NID1: variants seen among roughly 807,000 people sequenced by gnomAD.
NID1 encodes the protein nidogen 1.
A neutral mutation model predicts 130.6 loss-of-function variants in NID1; 76 were observed. That is an observed-to-expected ratio of 0.58 (90% CI 0.48 to 0.70). The LOEUF (loss-of-function observed/expected upper bound fraction) is 0.70. Among genes scored for constraint, NID1 ranks in the 30% least tolerant of loss-of-function variants. The pLI is 0.00. For synonymous variants in NID1, 665 were observed against 675.1 expected, an observed-to-expected ratio of 0.98 and a Z score of 0.23; for missense variants, 1,517 against 1,664.8, an observed-to-expected ratio of 0.91 and a Z score of 1.54.
chr1:236,014,740 CTGCACCAAGA>C (rs907566705), intron 10 of NID1, among the ~76,000 whole-genome samples: 1 of 152,194 alleles, frequency 6.6e-6, no homozygotes, highest in African/African-American at 2.4e-5. Flanking sequence ...CCATCATGCC[CTGCACCAAGA>C]TGCCTAGGGG....
intron 15 of NID1, among the ~76,000 whole-genome samples, chr1:235,984,567 G>A (rs2102794309): frequency 6.6e-6 from 1 of 152,322 alleles, no homozygotes; most frequent in East Asian, 1.9e-4. Flanking sequence ...TATCTTTGAT[G>A]TGAATATTTT....
rs901458795 is a variant in NID1, at chr1:236,064,972, G to C, written c.108C>G (p.Pro36=). 6.3e-7 allele frequency: 1 copy of C among 1,589,680 alleles called. No individual in the cohort carries two copies. Among genetic ancestry groups the C allele is most frequent in the East Asian group, 2.3e-5 (1 of 43,192 alleles). ...CCAGGTCCCCCTGTCCGGGGCCGAA[G>C]GGAAAGAGCTCCTGGCGGCTCAGGC... ...VGCLSRQELF[P]FGPGQGDLEL... The change falls in exon 1 of 20, where the codon CCC becomes CCG. Residue 36 remains proline (P), a synonymous_variant. Coordinates refer to ENST00000264187, the MANE Select transcript of NID1 (RefSeq NM_002508.3).
chr1:236,044,827 G>T (rs750732554), intron 3 of NID1, among the ~76,000 whole-genome samples: 5 of 140,972 alleles, frequency 3.5e-5, no homozygotes, highest in South Asian at 2.4e-4. Flanking sequence ...GAAGGAAAAG[G>T]TTTTCTCAGC....
chr1:236,064,669 C>G (rs1350613633), intron 1 of NID1, 186 bp downstream of exon 1: 1 of 639,670 alleles, frequency 1.6e-6, no homozygotes, highest in South Asian at 1.7e-5. Context: ...CTTCGGATAG[C>G]AGGGACCGGG....
rs1388408840 is a variant in NID1, at chr1:236,013,438, A to G, written c.2377T>C (p.Phe793Leu). The G allele has an allele frequency of 1.2e-6, 2 of 1,614,012 alleles. No individual in the cohort carries two copies. Among genetic ancestry groups the G allele is most frequent in the Non-Finnish European group, 1.7e-6 (2 of 1,180,006 alleles). The change falls in exon 11 of 20, where the codon TTT becomes CTT. Residue 793 changes from phenylalanine (F) to leucine (L), a missense_variant. By Grantham distance (22) the Phe-to-Leu change is conservative. Transcript: ENST00000264187. ...SSYTCSCLPG[F>L]SGDGQACQDV... is the part of the protein sequence containing the mutation. ...TGGCAGGCTTGGCCATCCCCAGAAA[A>G]GCCTGGCAAGCAGGAACAGGTGTAG...
chr1:236,025,544 G>A (rs556714468), intron 8 of NID1, among the ~76,000 whole-genome samples: 5 of 152,194 alleles, frequency 3.3e-5, no homozygotes, highest in Non-Finnish European at 7.3e-5. Context: ...TTACAGGCAT[G>A]AGCCACTGGA....
intron 5 of NID1, among the ~76,000 whole-genome samples, chr1:236,036,379 T>C (rs1329038951): frequency 6.6e-6 from 1 of 152,240 alleles, no homozygotes; most frequent in Non-Finnish European, 1.5e-5. Flanking sequence ...AAGGAAATGA[T>C]TTTTTGTTTT....
chr1:236,032,666 C>T lies in NID1; in HGVS notation c.1286-14G>A. On this transcript the variant is annotated splice_polypyrimidine_tract_variant and intron_variant, in intron 5 of 19. Transcript: ENST00000264187. ...GCTGGGGGGAACCTGAGCAAGAAAACAAAGAAAGAATATAGAGATCACTTC... is the reference window on the plus strand; with the variant it reads ...GCTGGGGGGAACCTGAGCAAGAAAATAAAGAAAGAATATAGAGATCACTTC... 1 of 1,613,408 alleles carries T rather than the reference C, an allele frequency of 6.2e-7. No individual in the cohort carries two copies. Among genetic ancestry groups the T allele is most frequent in the African/African-American group, 1.3e-5 (1 of 74,970 alleles).
chr1:235,980,402 G>A (rs1657402440), intron 17 of NID1, 94 bp downstream of exon 17: 3 of 1,288,710 alleles, frequency 2.3e-6, no homozygotes, highest in Non-Finnish European at 3.2e-6. Context: ...ATAAAAACAG[G>A]TGGCTGGTTA....
At chr1:236,037,458 G>C (rs556807869) in intron 5 of NID1, among the ~76,000 whole-genome samples, 82 of 152,322 alleles carry the variant, frequency 5.4e-4, no homozygotes, top group African/African-American at 1.9e-3. Context: ...AGGAGTTTGA[G>C]ACCAGTCTGG....
At chr1:235,982,205 A>C (rs757024055) in intron 15 of NID1, among the ~76,000 whole-genome samples, 1 of 152,176 alleles carries the variant, frequency 6.6e-6, no homozygotes, top group African/African-American at 2.4e-5. Flanking sequence ...AGTTTGTCAA[A>C]CAAGGATCCT....
At chr1:236,005,031 G>A (rs1463525558) in intron 12 of NID1, among the ~76,000 whole-genome samples, 1 of 151,718 alleles carries the variant, frequency 6.6e-6, no homozygotes, top group Admixed American at 6.6e-5. Flanking sequence ...AAAATTAGCT[G>A]GGAATGGTGG....
Position 235,977,930 on chromosome 1 carries a change from T to C in NID1, c.3681A>G (p.Pro1227=), listed in dbSNP as rs1423455537. ...GGCTHLCLAT[P]GSRTCRCPDN... ...CAGGGCAACGGCAGGTCCTGCTCCC[T>C]GGGGTGGCCAAGCATAGGTGGGTGC... is the stretch of plus-strand genomic sequence containing the variant. Residue 1227 remains proline (P), a synonymous_variant, in exon 20 of 20, where the codon CCA becomes CCG. Transcript: ENST00000264187. 2 of 1,614,124 alleles carry C rather than the reference T, an allele frequency of 1.2e-6. No individual in the cohort carries two copies. Among genetic ancestry groups the C allele is most frequent in the South Asian group, 1.1e-5 (1 of 91,084 alleles).
At position 235,991,008 on chromosome 1, in the gene NID1, C is replaced by A. The variant is rs147031904; in HGVS notation, c.2806G>T (p.Ala936Ser). Reference sequence around the variant, plus strand: ...GTCCCAGGAGGCAAGGGGATCACGGCGGTAGGCACCGCAGGTCCTTGGTGA... The same window carrying A: ...GTCCCAGGAGGCAAGGGGATCACGGAGGTAGGCACCGCAGGTCCTTGGTGA... ...PIHQGPAVPT[A>S]VIPLPPGTHL... The change falls in exon 14 of 20, where the codon GCC becomes TCC. Residue 936 changes from alanine to serine, a missense_variant. Coordinates refer to ENST00000264187, the MANE Select transcript of NID1 (RefSeq NM_002508.3). 6.2e-7 allele frequency: 1 copy of A among 1,612,262 alleles called. No individual in the cohort carries two copies. The highest frequency in any genetic ancestry group is 1.1e-5 in the South Asian group (1 of 90,852).
At chr1:236,023,824 C>T (rs569701708) in intron 9 of NID1, among the ~76,000 whole-genome samples, 9 of 152,298 alleles carry the variant, frequency 5.9e-5, no homozygotes, top group Admixed American at 3.9e-4. Context: ...ATTCTTAAGA[C>T]GGAGTGGAGT....
intron 17 of NID1, 34 bp downstream of exon 17, chr1:235,980,462 G>A (rs1489902574): frequency 1.2e-6 from 2 of 1,606,738 alleles, no homozygotes; most frequent in African/African-American, 2.7e-5. Flanking sequence ...AGGAGATTGA[G>A]ACCCGCCCTG....
chr1:236,042,855 G>C (rs1659494663), intron 3 of NID1, among the ~76,000 whole-genome samples: 1 of 152,348 alleles, frequency 6.6e-6, no homozygotes, highest in African/African-American at 2.4e-5. Context: ...CAGGATGGGG[G>C]CTGGTGGCCA....
In NID1 at chr1:236,022,340, A is replaced by ATTT. The variant is rs112406762; in HGVS notation, c.2128+1727_2128+1729dup. On this transcript the variant is annotated intron_variant, in intron 9 of 19. Transcript: ENST00000264187. ...ACTCACACCCATTAGGATGGCCCCT[A>ATTT]TTTTTTTTTTTTTTGGGAGACAGAG... Among the ~76,000 whole-genome samples the ATTT allele has an allele frequency of 5.0e-3, 681 of 137,232 alleles. 9 individuals carry two copies. Among genetic ancestry groups the ATTT allele is most frequent in the Non-Finnish European group, 8.1e-3 (529 of 65,096 alleles). 90.0% of individuals were successfully genotyped at this position (137,232 alleles called of 152,430 possible).
At chr1:236,010,496 C>T (rs1207610127) in intron 12 of NID1, among the ~76,000 whole-genome samples, 1 of 152,014 alleles carries the variant, frequency 6.6e-6, no homozygotes, top group African/African-American at 2.4e-5. Flanking sequence ...CAGGGTCTCG[C>T]TATGTTGCCC....
Sources: allele counts gnomAD v4.1 joint callset (sites outside exome capture counted in the v4.1 genomes callset), GRCh38; gene constraint gnomAD v4.1.1; transcripts MANE v1.5; gene names NCBI Gene and HGNC (gene_info 2026-07-23, HGNC 2026-07-21).